The following ZNF273 variants were observed in gnomAD, a reference collection of about 807,000 sequenced individuals.
ZNF273 encodes zinc finger protein 273.
A neutral mutation model predicts 14.9 loss-of-function variants in ZNF273; 11 were observed. The ratio of observed to expected loss-of-function variants is 0.74; its 90% CI spans 0.46 to 1.22. ZNF273 has a LOEUF of 1.22. ZNF273 is among the 50% of genes most tolerant of loss of function. ZNF273 has a pLI of 0.00. For synonymous variants in ZNF273, 199 were observed against 223.9 expected, an observed-to-expected ratio of 0.89 and a Z score of 0.99; for missense variants, 577 against 660.6, an observed-to-expected ratio of 0.87 and a Z score of 1.39.
At chr7:64,905,011 C>T (rs183524271) in intron 1 of ZNF273, among the ~76,000 whole-genome samples, 8 of 151,962 alleles carry the variant, frequency 5.3e-5, no homozygotes, top group African/African-American at 1.4e-4. Flanking sequence ...ATATCAGCTC[C>T]TGGGTCATTT....
At chr7:64,934,205 AT>A (rs35073259), downstream of ZNF273, among the ~76,000 whole-genome samples, 2 of 151,216 alleles carry the variant, frequency 1.3e-5, no homozygotes, top group African/African-American at 4.9e-5. Flanking sequence ...AGTTTCTTAC[AT>A]TTTTTTTTAT....
At position 64,917,582 on chromosome 7, in the gene ZNF273, G is replaced by A. The variant is rs1303011514; in HGVS notation, c.104G>A (p.Gly35Glu). ...TTTTTGTGTGTGTGTGTTTTTCAGG[G>A]ACCACTGACATTTAGGGATGTGGCC... ...TPGLPGSLEM[G>E]PLTFRDVAIE... is the part of the protein sequence containing the mutation. Residue 35 changes from glycine (G) to glutamate (E), a missense_variant and splice_region_variant, in exon 2 of 4, where the codon GGA (glycine) becomes GAA (glutamate). Gly to Glu is a moderately conservative substitution (Grantham distance 98). Around this residue, in one of 3 missense-constraint regions of ZNF273, gnomAD observed 162 missense variants for 203.5 expected, o/e 0.80. Coordinates refer to ENST00000476120, the MANE Select transcript of ZNF273 (RefSeq NM_021148.3). 6.3e-7 allele frequency: 1 copy of A among 1,595,524 alleles called. No homozygotes were observed. The highest frequency in any genetic ancestry group is 1.1e-5 in the South Asian group (1 of 90,930).
At position 64,917,685 on chromosome 7, in the gene ZNF273, C is replaced by T. The variant is rs1407666855; in HGVS notation, c.207C>T (p.Asn69=). Residue 69 remains asparagine, a synonymous_variant, in exon 2 of 4, where the codon AAC becomes AAT. Transcript: ENST00000476120. ...TGTATAGGAATGTGATGTTAGATAA[C>T]TACAGAAACCTGGTCTTCCTGGGTG... The part of the protein sequence containing the change: ...QNLYRNVMLD[N]YRNLVFLGIA... 6.3e-7 allele frequency: 1 copy of T among 1,595,772 alleles called. No homozygotes were observed. The highest frequency in any genetic ancestry group is 8.6e-7 in the Non-Finnish European group (1 of 1,169,148).
downstream of ZNF273, among the ~76,000 whole-genome samples, chr7:64,890,382 G>T (rs1385179224): frequency 6.6e-6 from 1 of 152,056 alleles, no homozygotes; most frequent in Non-Finnish European, 1.5e-5. Flanking sequence ...CAGGTTCCGT[G>T]ATCAGCTGCG....
chr7:64,885,327 C>T (rs1791514126), intron 1 of ZNF273, among the ~76,000 whole-genome samples: 1 of 152,230 alleles, frequency 6.6e-6, no homozygotes, highest in African/African-American at 2.4e-5. Context: ...CTCCTGCAGG[C>T]CTTCTGTTAG....
chr7:64,890,661 T>C (rs1003109289), downstream of ZNF273, among the ~76,000 whole-genome samples: 6 of 152,200 alleles, frequency 3.9e-5, no homozygotes, highest in African/African-American at 7.2e-5. Flanking sequence ...AAATATTCCA[T>C]CCAAGAGCAT....
At chr7:64,879,889 A>G (rs1583946370), downstream of ZNF273, 1 of 152,192 alleles carries the variant, frequency 6.6e-6, no homozygotes, top group Non-Finnish European at 1.5e-5. Flanking sequence ...TACGGTGAGC[A>G]ACGTTGGGGG....
At chr7:64,919,167 G>A (rs1794247671) in intron 3 of ZNF273, among the ~76,000 whole-genome samples, 1 of 152,068 alleles carries the variant, frequency 6.6e-6, no homozygotes, top group African/African-American at 2.4e-5. Flanking sequence ...GTAGTTTCAT[G>A]TAAATTTTAG....
At chr7:64,903,718 A>T (rs1792892450) in intron 1 of ZNF273, among the ~76,000 whole-genome samples, 1 of 152,188 alleles carries the variant, frequency 6.6e-6, no homozygotes, top group Non-Finnish European at 1.5e-5. Context: ...CTCGGGATGC[A>T]GGGTTCATGA....
rs1562968156 is a variant in ZNF273 at position 64,929,589 on chromosome 7, T to G, written c.*551T>G. 1 of 152,250 alleles carries G rather than the reference T, an allele frequency of 6.6e-6. No individual in the cohort carries two copies. The highest frequency in any genetic ancestry group is 1.5e-5 in the Non-Finnish European group (1 of 68,070). 9.4% of individuals were successfully genotyped at this position (152,250 alleles called of 1,614,324 possible). A position where few individuals can be genotyped will look rare whatever the true frequency, so the allele number is the denominator to read the frequency against. ...AAATATGAAAGAAATGATCCAAAGT[T>G]AGGTTTATATAAATATCAGAGAATT... is the stretch of plus-strand genomic sequence containing the variant. On this transcript the variant is annotated 3_prime_UTR_variant, in exon 4 of 4. Coordinates refer to ENST00000476120, the MANE Select transcript of ZNF273 (RefSeq NM_021148.3).
At chr7:64,909,002 T>C (rs1260699716) in intron 1 of ZNF273, among the ~76,000 whole-genome samples, 1 of 152,112 alleles carries the variant, frequency 6.6e-6, no homozygotes, top group African/African-American at 2.4e-5. Flanking sequence ...CTCAACATCC[T>C]GGGCTTAAGC....
chr7:64,880,789 C>T (rs1483446002), downstream of ZNF273, among the ~76,000 whole-genome samples: 1 of 152,138 alleles, frequency 6.6e-6, no homozygotes, highest in Non-Finnish European at 1.5e-5. Flanking sequence ...AACAGAAACC[C>T]CCGAGTGCCT....
At chr7:64,886,891 G>A (rs146461287) in intron 1 of ZNF273, among the ~76,000 whole-genome samples, 4 of 152,272 alleles carry the variant, frequency 2.6e-5, no homozygotes, top group African/African-American at 7.2e-5. Flanking sequence ...CACCAATGTT[G>A]CCTCCCAGAG....
At chr7:64,913,695 A>T (rs1793734425) in intron 1 of ZNF273, among the ~76,000 whole-genome samples, 1 of 152,198 alleles carries the variant, frequency 6.6e-6, no homozygotes, top group African/African-American at 2.4e-5. Context: ...TAGAGCTAAT[A>T]ATGAGCCTAA....
At chr7:64,889,440 G>C (rs749290231), downstream of ZNF273, 96 of 985,686 alleles carry the variant, frequency 9.7e-5, no homozygotes, top group Non-Finnish European at 1.1e-4. This position sits in a 1 kb window ranked among gnomAD's most constrained non-coding sequence, Gnocchi z 4.2. Context: ...ACTCGGGCTC[G>C]GGTGGCCTCA....
At chr7:64,932,983 C>CT (rs1229367967), downstream of ZNF273, among the ~76,000 whole-genome samples, 3 of 151,776 alleles carry the variant, frequency 2.0e-5, no homozygotes, top group African/African-American at 7.3e-5. Context: ...GGAGGAATTC[C>CT]TTTTTTAGAT....
chr7:64,888,887 G>A (rs1388537545), downstream of ZNF273: 3 of 985,240 alleles, frequency 3.0e-6, no homozygotes, highest in Non-Finnish European at 3.6e-6. Flanking sequence ...GGGAAACGGA[G>A]GCCCTGAGTG....
intron 1 of ZNF273, chr7:64,878,360 G>A (rs1791168482): frequency 6.6e-6 from 1 of 152,256 alleles, no homozygotes; most frequent in South Asian, 2.1e-4. Flanking sequence ...CTGGGCCAAA[G>A]CATAGGAGTC....
chr7:64,882,950 C>T (rs371365633), downstream of ZNF273, among the ~76,000 whole-genome samples: 4 of 152,246 alleles, frequency 2.6e-5, no homozygotes, highest in East Asian at 5.8e-4. Flanking sequence ...GTGTTGGCTG[C>T]CCGAGTGTGT....
Sources: gnomAD v4.1 joint callset for allele counts (sites outside exome capture counted in the v4.1 genomes callset) on GRCh38, gnomAD v4.1.1 for gene constraint, gnomAD v4.1.1 regional missense constraint, Gnocchi (gnomAD v3.1) non-coding constraint, MANE v1.5 for transcripts, NCBI Gene and HGNC (gene_info 2026-07-23, HGNC 2026-07-21) for gene names.